Variants in PCGF3 observed in about 807,000 individuals in gnomAD.
PCGF3 encodes polycomb group RING finger protein 3.
A neutral mutation model predicts 33.1 loss-of-function variants in PCGF3; 7 were observed. The ratio of observed to expected loss-of-function variants is 0.21; its 90% CI spans 0.12 to 0.40. The LOEUF is 0.40. PCGF3 is among the 10% of genes least tolerant of loss of function. PCGF3 has a pLI of 1.00. For missense variants in PCGF3, 211 were observed against 313.3 expected (o/e 0.67, Z 2.46); for synonymous variants, 153 against 121.3 (o/e 1.26, Z -1.72).
chr4:731,218 C>G (rs1467838680), intron 3 of PCGF3, 108 bp downstream of exon 3: 1 of 398,314 alleles, frequency 2.5e-6, no homozygotes, highest in African/African-American at 2.1e-5. Context: ...GGTCAGGACA[C>G]GATGCAGTGT....
chr4:748,005 G>A (rs1255302018), intron 8 of PCGF3, among the ~76,000 whole-genome samples: 1 of 152,042 alleles, frequency 6.6e-6, no homozygotes, highest in African/African-American at 2.4e-5. Context: ...CTTTTCCTCC[G>A]GGCGCGTCTC....
At chr4:763,013 C>G (rs571613665) in intron 9 of PCGF3, among the ~76,000 whole-genome samples, 26 of 151,872 alleles carry the variant, frequency 1.7e-4, no homozygotes, top group African/African-American at 6.3e-4. Flanking sequence ...GCTGTCAGGT[C>G]ATGGGGGGCC....
At chr4:737,286 G>A (rs572522223) in intron 5 of PCGF3, among the ~76,000 whole-genome samples, 180 bp from the exon 6 acceptor site, 4 of 152,298 alleles carry the variant, frequency 2.6e-5, no homozygotes, top group African/African-American at 9.6e-5. Context: ...GTTAAATGAC[G>A]CGTTAATTCA....
At chr4:723,263 C>T (rs1042061047) in intron 1 of PCGF3, among the ~76,000 whole-genome samples, 1 of 152,226 alleles carries the variant, frequency 6.6e-6, no homozygotes, top group African/African-American at 2.4e-5. Flanking sequence ...CTGCAGTTGC[C>T]GGGAGCCATG....
chr4:732,250 C>G (rs898067720), intron 3 of PCGF3: 9 of 158,124 alleles, frequency 5.7e-5, no homozygotes, highest in African/African-American at 2.2e-4. Flanking sequence ...GCTCCCCCTC[C>G]CCTCCCGAGT....
rs538053379 is a variant in PCGF3 at position 752,753 on chromosome 4, G to A, written c.462+8065G>A. On this transcript the variant is annotated intron_variant, in intron 8 of 10. Coordinates refer to ENST00000362003, the Ensembl canonical transcript of PCGF3. ...CCCGGGGTCTTCCCACCAGACTGAG[G>A]CTGGGCAGACGGGAGGGGCCTGCGC... Among the ~76,000 whole-genome samples the A allele has an allele frequency of 1.6e-3, 245 of 152,356 alleles. 1 individual carries two copies. Among genetic ancestry groups the A allele is most frequent in the African/African-American group, 5.6e-3 (231 of 41,578 alleles).
At chr4:760,519 G>A (rs1744992138) in intron 8 of PCGF3, among the ~76,000 whole-genome samples, 1 of 152,214 alleles carries the variant, frequency 6.6e-6, no homozygotes, top group Admixed American at 6.5e-5. Context: ...TACCCCTGGT[G>A]TCCTCCCTTT....
intron 8 of PCGF3, among the ~76,000 whole-genome samples, chr4:758,504 C>A (rs1177380506): frequency 2.2e-5 from 3 of 135,156 alleles, no homozygotes; most frequent in African/African-American, 8.3e-5. Flanking sequence ...CTTCTCGCTC[C>A]GGACTCTGGG....
chr4:712,770 T>C (rs927272953), intron 1 of PCGF3, among the ~76,000 whole-genome samples: 1 of 152,242 alleles, frequency 6.6e-6, no homozygotes, highest in Admixed American at 6.5e-5. Flanking sequence ...TTTAGGTGCA[T>C]TTAGAGAGTG....
chr4:713,771 C>T (rs781172017), intron 1 of PCGF3, among the ~76,000 whole-genome samples: 23 of 152,238 alleles, frequency 1.5e-4, no homozygotes, highest in South Asian at 4.1e-4. Flanking sequence ...TTCCTGATGC[C>T]GCCCAGGAAT....
intron 9 of PCGF3, 186 bp from the exon 10 acceptor site, chr4:764,798 C>T: frequency 1.8e-6 from 1 of 570,820 alleles, no homozygotes; most frequent in East Asian, 3.0e-5. Flanking sequence ...AGGTAGGGAC[C>T]ACACTCCATC....
At chr4:742,541 G>A (rs568672634) in intron 6 of PCGF3, among the ~76,000 whole-genome samples, 20 of 152,310 alleles carry the variant, frequency 1.3e-4, no homozygotes, top group South Asian at 2.1e-4. Context: ...GTGTGTTCCC[G>A]AGCAGTGACC....
chr4:722,679 CCACACTCGCGTCATCACCTGTCTGCGCT>C lies in PCGF3; in HGVS notation c.-189-7950_-189-7923del, dbSNP rs1421794222. Among the ~76,000 whole-genome samples the C allele has an allele frequency of 5.0e-3, 659 of 131,050 alleles. 64 individuals carry two copies. Among genetic ancestry groups the C allele is most frequent in the East Asian group, 9.4e-3 (40 of 4,244 alleles). The allele number at this position is 131,050 out of a possible 152,430, so 86.0% of individuals were successfully genotyped here. ...GCGTCATCACCTGTCTGCGCTGGGT[CCACACTCGCGTCATCACCTGTCTGCGCT>C]GGGTCCACACTCGCGTCATCGCCCA... On this transcript the variant is annotated intron_variant, in intron 1 of 10. Coordinates refer to ENST00000362003, the Ensembl canonical transcript of PCGF3.
intron 8 of PCGF3, among the ~76,000 whole-genome samples, chr4:751,096 T>C (rs1744491935): frequency 6.6e-6 from 1 of 152,156 alleles, no homozygotes. Context: ...TTTGGTGTCT[T>C]CTTTCTCTGC....
chr4:715,952 GGC>G (rs1742812396), intron 1 of PCGF3, among the ~76,000 whole-genome samples: 2 of 113,320 alleles, frequency 1.8e-5, no homozygotes, highest in African/African-American at 3.1e-5. Context: ...GTGAGAACTG[GGC>G]GTCGGTGCTG....
chr4:754,350 A>G (rs1193830661), intron 8 of PCGF3, among the ~76,000 whole-genome samples: 2 of 151,982 alleles, frequency 1.3e-5, no homozygotes, highest in South Asian at 2.1e-4. Flanking sequence ...TGCTCTTGGG[A>G]CTTCACACCC....
At chr4:715,531 C>T (rs1432316213) in intron 1 of PCGF3, among the ~76,000 whole-genome samples, 1 of 139,692 alleles carries the variant, frequency 7.2e-6, no homozygotes, top group African/African-American at 2.7e-5. Flanking sequence ...GTGCTGGGAC[C>T]CTGTAGACAC....
At chr4:758,692 T>C (rs1577442309) in intron 8 of PCGF3, among the ~76,000 whole-genome samples, 2 of 64,090 alleles carry the variant, frequency 3.1e-5, no homozygotes, top group South Asian at 1.8e-3. Context: ...GCGGCCCCTC[T>C]CCCGAGTTCT....
chr4:751,879 G>C (rs920904961), intron 8 of PCGF3, among the ~76,000 whole-genome samples: 3 of 152,134 alleles, frequency 2.0e-5, no homozygotes, highest in African/African-American at 7.3e-5. Context: ...ATCATCTGAC[G>C]GGCGCAGGCC....
Sources: gnomAD v4.1 joint callset for allele counts (sites outside exome capture counted in the v4.1 genomes callset) on GRCh38, gnomAD v4.1.1 for gene constraint, MANE v1.5 for transcripts, NCBI Gene and HGNC (gene_info 2026-07-23, HGNC 2026-07-21) for gene names.